Variants in ITK observed in about 807,000 individuals in gnomAD.
ITK encodes IL2 inducible T cell kinase.
ITK carries 45 observed loss-of-function variants against 87.6 expected under a neutral mutation model. The ratio of observed to expected loss-of-function variants is 0.51; its 90% CI spans 0.40 to 0.66. The LOEUF (loss-of-function observed/expected upper bound fraction) is 0.66, where lower values mean the gene tolerates loss of function less well. Ranked by LOEUF, ITK falls within the 30% of genes least tolerant of loss-of-function variation. The pLI, the probability that ITK is intolerant of heterozygous loss-of-function variation, is 0.00. For synonymous variants in ITK, 303 were observed against 273.6 expected (o/e 1.11, Z -1.06); for missense variants, 605 against 766.3 (o/e 0.79, Z 2.48).
intron 11 of ITK, among the ~76,000 whole-genome samples, chr5:157,242,571 G>A (rs1297830126): frequency 1.3e-5 from 2 of 152,192 alleles, no homozygotes; most frequent in Non-Finnish European, 2.9e-5. Flanking sequence ...GACCTCCTGG[G>A]CTCAAGCGAT....
In ITK at chr5:157,238,246, A is replaced by T. The variant is rs1300820119; in HGVS notation, c.851+55A>T. 42 of 1,319,646 alleles carry T rather than the reference A, an allele frequency of 3.2e-5. No individual in the cohort carries two copies. In the East Asian group the frequency reaches 9.7e-4, roughly 30 times the overall value. 81.7% of individuals were successfully genotyped at this position (1,319,646 alleles called of 1,614,324 possible). On this transcript the variant is annotated intron_variant, in intron 9 of 16. Coordinates refer to ENST00000422843, the MANE Select transcript of ITK (RefSeq NM_005546.4). ...GAGAGAAACACTTCTGAAGTGTGTG[A>T]GCACTGGGGAAAAGACAACAAAGTT...
chr5:157,189,918 A>G (rs949897925), intron 1 of ITK, among the ~76,000 whole-genome samples: 2 of 152,170 alleles, frequency 1.3e-5, no homozygotes, highest in Non-Finnish European at 2.9e-5. Flanking sequence ...GAAAAAGTAG[A>G]CCTTCCAGGA....
intron 11 of ITK, 34 bp downstream of exon 11, chr5:157,241,754 C>T: frequency 1.3e-6 from 2 of 1,536,412 alleles, no homozygotes; most frequent in Non-Finnish European, 1.8e-6. Context: ...AAACTCATGT[C>T]CCTAAAGGTC....
chr5:157,224,080 T>C (rs1754482520), intron 6 of ITK, among the ~76,000 whole-genome samples: 1 of 152,068 alleles, frequency 6.6e-6, no homozygotes, highest in Non-Finnish European at 1.5e-5. Context: ...GGCCAGGAGT[T>C]TGAGACCAGC....
In ITK at chr5:157,241,458, T is replaced by C. The variant is rs3734024; in HGVS notation, c.986-188T>C. 275,452 of 567,710 alleles carry C rather than the reference T, an allele frequency of 0.49. 70,305 individuals carry two copies. The highest frequency in any genetic ancestry group is 0.77 in the East Asian group (25,244 of 32,962). The allele number at this position is 567,710 out of a possible 1,614,324, so 35.2% of individuals were successfully genotyped here. On this transcript the variant is annotated intron_variant, in intron 10 of 16. Coordinates refer to ENST00000422843, the MANE Select transcript of ITK (RefSeq NM_005546.4). Reference sequence around the variant, plus strand: ...TGTGGAAATAATGGAATTTTACCACTTGCCCATCTGTGCTTATGATGTTTT... The same window carrying C: ...TGTGGAAATAATGGAATTTTACCACCTGCCCATCTGTGCTTATGATGTTTT...
At position 157,237,689 on chromosome 5, in the gene ITK, T is replaced by C. The variant is rs1362910340; in HGVS notation, c.769-420T>C. Among the ~76,000 whole-genome samples the C allele has an allele frequency of 3.9e-5, 6 of 151,962 alleles. No homozygotes were observed. The East Asian group carries it at 1.2e-3, about 29-fold the overall frequency. On this transcript the variant is annotated intron_variant, in intron 8 of 16. Transcript: ENST00000422843. ...GCTGGGCTTTGCTCACATACCAGAGTTCAAATCCGAATTCTGTCACTTTCT... is the reference window on the plus strand; with the variant it reads ...GCTGGGCTTTGCTCACATACCAGAGCTCAAATCCGAATTCTGTCACTTTCT...
chr5:157,226,802 G>GT (rs1451955244), intron 6 of ITK, among the ~76,000 whole-genome samples: 15 of 128,606 alleles, frequency 1.2e-4, no homozygotes, highest in African/African-American at 1.8e-4. Flanking sequence ...GTTTTGTTTT[G>GT]TTTTTTTGTT....
At chr5:157,225,542 C>G (rs570323226) in intron 6 of ITK, among the ~76,000 whole-genome samples, 3 of 152,002 alleles carry the variant, frequency 2.0e-5, no homozygotes, top group African/African-American at 7.2e-5. Context: ...TTTACATTTT[C>G]AAGGTGCCTT....
At position 157,254,158 on chromosome 5, in the gene ITK, T is replaced by C; in HGVS notation, c.*1480T>C. On this transcript the variant is annotated 3_prime_UTR_variant, in exon 17 of 17. Coordinates refer to ENST00000422843, the MANE Select transcript of ITK (RefSeq NM_005546.4). ...ATTGCAGAGGGAATAAATACAAAGATGGAAAGCCAGTAAAGAAGTCAGTAT... is the reference window on the plus strand; with the variant it reads ...ATTGCAGAGGGAATAAATACAAAGACGGAAAGCCAGTAAAGAAGTCAGTAT... 4.4e-6 allele frequency: 1 copy of C among 229,142 alleles called. No individual in the cohort carries two copies. Among genetic ancestry groups the C allele is most frequent in the East Asian group, 6.2e-5 (1 of 16,052 alleles). The allele number at this position is 229,142 out of a possible 1,614,324, so 14.2% of individuals were successfully genotyped here.
intron 1 of ITK, among the ~76,000 whole-genome samples, chr5:157,182,164 G>A (rs1237640837): frequency 1.3e-5 from 2 of 152,156 alleles, no homozygotes; most frequent in African/African-American, 2.4e-5. Context: ...CATCATTAGT[G>A]GGGTAGGACA....
At chr5:157,187,516 A>G (rs1393404415) in intron 1 of ITK, among the ~76,000 whole-genome samples, 1 of 152,252 alleles carries the variant, frequency 6.6e-6, no homozygotes, top group Non-Finnish European at 1.5e-5. Context: ...CAAGTGACAT[A>G]GGACTTCAAA....
chr5:157,235,411 T>C (rs771102907), intron 8 of ITK, among the ~76,000 whole-genome samples: 2 of 152,238 alleles, frequency 1.3e-5, no homozygotes, highest in Non-Finnish European at 2.9e-5. Flanking sequence ...TGGTTTTTCT[T>C]GTCTTTGAAC....
At chr5:157,189,101 A>G (rs58190695) in intron 1 of ITK, among the ~76,000 whole-genome samples, 2,815 of 152,288 alleles carry the variant, frequency 0.018, 80 homozygotes, top group African/African-American at 0.065. Context: ...CAGAGACAAG[A>G]AAGGGCCCAA....
chr5:157,245,701 CTTTG>C lies in ITK; in HGVS notation c.1450-20_1450-17del, dbSNP rs754309073. The C allele has an allele frequency of 1.9e-6, 3 of 1,608,310 alleles. No homozygotes were observed. The African/African-American group carries it at 4.0e-5, about 21-fold the overall frequency. On this transcript the variant is annotated intron_variant, in intron 13 of 16. Transcript: ENST00000422843. The stretch of plus-strand genomic sequence containing the variant: ...ACTCATCAACAGTTTTCCTCTCCGC[CTTTG>C]TTTGCCTGTCTCCTCTCCAGGCTGC...
intron 1 of ITK, among the ~76,000 whole-genome samples, chr5:157,200,525 C>T (rs1753944336): frequency 6.6e-6 from 1 of 152,092 alleles, no homozygotes; most frequent in Non-Finnish European, 1.5e-5. Context: ...GACCAGCCAC[C>T]CCCCGGGGAC....
At chr5:157,234,308 A>G (rs1754732572) in intron 8 of ITK, among the ~76,000 whole-genome samples, 1 of 152,044 alleles carries the variant, frequency 6.6e-6, no homozygotes, top group Admixed American at 6.6e-5. Context: ...GAGCTACTTT[A>G]CCAAATTCTC....
intron 1 of ITK, among the ~76,000 whole-genome samples, chr5:157,188,919 A>G (rs186061854): frequency 2.0e-5 from 3 of 152,308 alleles, no homozygotes; most frequent in Admixed American, 2.0e-4. Flanking sequence ...GAGAGCAGAG[A>G]TCTTGACTGT....
intron 1 of ITK, among the ~76,000 whole-genome samples, chr5:157,185,539 CTA>C (rs1456498297): frequency 6.6e-6 from 1 of 152,108 alleles, no homozygotes; most frequent in Non-Finnish European, 1.5e-5. Flanking sequence ...CGCGCCTGGC[CTA>C]TGTTTTTAAA....
intron 7 of ITK, among the ~76,000 whole-genome samples, chr5:157,230,820 T>TA (rs35893159): frequency 0.016 from 2,483 of 152,120 alleles, 29 homozygotes; most frequent in Non-Finnish European, 0.027. Flanking sequence ...CTGGAGCAAA[T>TA]AAAAAAAGTC....
Sources: allele counts gnomAD v4.1 joint callset (sites outside exome capture counted in the v4.1 genomes callset), GRCh38; gene constraint gnomAD v4.1.1; transcripts MANE v1.5; gene names NCBI Gene and HGNC (gene_info 2026-07-23, HGNC 2026-07-21).